The following TASP1 variants were observed in gnomAD, a reference collection of about 807,000 sequenced individuals.
TASP1 encodes the protein threonine aspartase 1.
In TASP1, 16 loss-of-function variants were observed where a neutral mutation model predicts 56.6. That is an observed-to-expected ratio of 0.28 (90% CI 0.19 to 0.43). TASP1 has a LOEUF of 0.43. Ranked by LOEUF, TASP1 falls within the 20% of genes least tolerant of loss-of-function variation. TASP1 has a pLI of 1.00. For missense variants in TASP1, 393 were observed against 511.6 expected, an observed-to-expected ratio of 0.77 and a Z score of 2.24; for synonymous variants, 179 against 184.2, an observed-to-expected ratio of 0.97 and a Z score of 0.23.
the TASP1 span, among the ~76,000 whole-genome samples, chr20:13,143,228 G>A: frequency 2.0e-5 from 3 of 152,194 alleles, no homozygotes; most frequent in African/African-American, 7.2e-5. Context: ...GGTCAGTTAT[G>A]TAGACAAGAG....
At chr20:13,186,341 A>T in the TASP1 span, among the ~76,000 whole-genome samples, 1 of 152,198 alleles carries the variant, frequency 6.6e-6, no homozygotes, top group Non-Finnish European at 1.5e-5. Context: ...CTTTCTGGGA[A>T]AGGGATATTT....
At chr20:13,591,794 G>C (rs1033134758) in intron 4 of TASP1, among the ~76,000 whole-genome samples, 1 of 152,134 alleles carries the variant, frequency 6.6e-6, no homozygotes, top group Non-Finnish European at 1.5e-5. Flanking sequence ...TAGGGCACAA[G>C]TAGCACAAAG....
the TASP1 span, among the ~76,000 whole-genome samples, chr20:13,370,763 T>G: frequency 2.6e-5 from 4 of 152,138 alleles, no homozygotes; most frequent in Non-Finnish European, 5.9e-5. Flanking sequence ...AAGAGGAGAT[T>G]AGGACAGAAT....
At chr20:13,563,341 G>A (rs910420094) in intron 7 of TASP1, among the ~76,000 whole-genome samples, 2 of 151,804 alleles carry the variant, frequency 1.3e-5, no homozygotes, top group African/African-American at 4.8e-5. Flanking sequence ...TGACTTCACT[G>A]GAGCATTCTA....
At chr20:13,427,432 C>T (rs1303978430) in intron 12 of TASP1, among the ~76,000 whole-genome samples, 1 of 152,130 alleles carries the variant, frequency 6.6e-6, no homozygotes, top group African/African-American at 2.4e-5. Context: ...AGAGCTATGT[C>T]TACAATGATA....
At chr20:13,630,739 AAG>A (rs1020305026) in intron 1 of TASP1, among the ~76,000 whole-genome samples, 5 of 151,502 alleles carry the variant, frequency 3.3e-5, no homozygotes, top group African/African-American at 1.2e-4. Flanking sequence ...AAGAAAAGAA[AAG>A]AAACATAAAG....
intron 4 of TASP1, chr20:13,614,519 A>G (rs1337917256): frequency 6.4e-6 from 1 of 157,446 alleles, no homozygotes; most frequent in East Asian, 1.9e-4. Flanking sequence ...TTTTTCTTGC[A>G]CTGCCCACTA....
intron 10 of TASP1, among the ~76,000 whole-genome samples, chr20:13,492,958 T>C (rs1422227225): frequency 1.3e-5 from 2 of 152,172 alleles, no homozygotes; most frequent in East Asian, 1.9e-4. Flanking sequence ...GCTAGACATA[T>C]AGTACATATA....
At chr20:13,604,777 G>C (rs1159106193) in intron 4 of TASP1, among the ~76,000 whole-genome samples, 1 of 151,952 alleles carries the variant, frequency 6.6e-6, no homozygotes, top group Non-Finnish European at 1.5e-5. Context: ...ACAAAACTAA[G>C]TATTGGCAAA....
chr20:13,237,778 C>A, the TASP1 span: 1 of 152,138 alleles, frequency 6.6e-6, no homozygotes, highest in African/African-American at 2.4e-5. Flanking sequence ...GGCTGATTTT[C>A]ACTGGGAAAG....
the TASP1 span, among the ~76,000 whole-genome samples, chr20:13,253,712 G>A: frequency 6.6e-6 from 1 of 151,950 alleles, no homozygotes; most frequent in Non-Finnish European, 1.5e-5. Context: ...CTGGCCTGGG[G>A]CCCCCATTTT....
At chr20:13,268,305 TCTC>T in the TASP1 span, among the ~76,000 whole-genome samples, 1 of 150,698 alleles carries the variant, frequency 6.6e-6, no homozygotes, top group Non-Finnish European at 1.5e-5. Context: ...TTCCTTCTCT[TCTC>T]TTTTCTCTTC....
the TASP1 span, among the ~76,000 whole-genome samples, chr20:13,323,584 C>T: frequency 2.6e-5 from 4 of 152,318 alleles, no homozygotes; most frequent in East Asian, 5.8e-4. Context: ...CTTTGTTAGG[C>T]AACATATAGT....
the TASP1 span, among the ~76,000 whole-genome samples, chr20:13,181,431 G>T: frequency 2.6e-5 from 4 of 152,210 alleles, no homozygotes; most frequent in African/African-American, 9.6e-5. Flanking sequence ...GATTTTAGGT[G>T]AGCCCAAGCA....
intron 1 of TASP1, among the ~76,000 whole-genome samples, chr20:13,636,856 A>G (rs1459193692): frequency 6.6e-6 from 1 of 152,220 alleles, no homozygotes; most frequent in Non-Finnish European, 1.5e-5. Context: ...CTCACATCAT[A>G]CAGAAAAATT....
At chr20:13,265,672 A>T in the TASP1 span, among the ~76,000 whole-genome samples, 2 of 152,144 alleles carry the variant, frequency 1.3e-5, no homozygotes, top group African/African-American at 4.8e-5. Context: ...TGCAATTGTG[A>T]TAGTATTTGG....
chr20:13,381,682 A>C, the TASP1 span, among the ~76,000 whole-genome samples: 1 of 151,722 alleles, frequency 6.6e-6, no homozygotes, highest in African/African-American at 2.4e-5. Flanking sequence ...ACTTCTCCAC[A>C]CTCTGTTTTA....
chr20:13,369,831 G>T, the TASP1 span, among the ~76,000 whole-genome samples: 1 of 152,130 alleles, frequency 6.6e-6, no homozygotes, highest in Non-Finnish European at 1.5e-5. Context: ...TATAATAAAA[G>T]CAGTACTTCT....
chr20:13,108,366 A>G, the TASP1 span, among the ~76,000 whole-genome samples: 1 of 152,354 alleles, frequency 6.6e-6, no homozygotes, highest in East Asian at 1.9e-4. Flanking sequence ...GCAGCCACTA[A>G]TGCATTCACT....
Sources: gnomAD v4.1 joint callset for allele counts (sites outside exome capture counted in the v4.1 genomes callset) on GRCh38, gnomAD v4.1.1 for gene constraint, MANE v1.5 for transcripts, NCBI Gene and HGNC (gene_info 2026-07-23, HGNC 2026-07-21) for gene names.